Variants in EPHA3 observed in about 807,000 individuals in gnomAD.
The protein encoded by EPHA3 is ephrin type-A receptor 3.
In EPHA3, 42 loss-of-function variants were observed where a neutral mutation model predicts 107.1. The observed-to-expected ratio is 0.39, with a 90% CI of 0.31 to 0.51. EPHA3 has a LOEUF of 0.51. Ranked by LOEUF, EPHA3 falls within the 20% of genes least tolerant of loss-of-function variation. The pLI is 0.78. For missense variants in EPHA3, 1,183 were observed against 1,211.2 expected (o/e 0.98, Z 0.35); for synonymous variants, 461 against 424.8 (o/e 1.09, Z -1.05).
intron 3 of EPHA3, among the ~76,000 whole-genome samples, chr3:89,286,437 A>G (rs1706085372): frequency 6.6e-6 from 1 of 152,086 alleles, no homozygotes; most frequent in Non-Finnish European, 1.5e-5. Context: ...GTACATTGGC[A>G]AAGGCGAAAG....
intron 15 of EPHA3, among the ~76,000 whole-genome samples, chr3:89,451,997 A>C: frequency 6.6e-6 from 1 of 152,068 alleles, no homozygotes; most frequent in Non-Finnish European, 1.5e-5. Context: ...GAAAAAAATC[A>C]ATCATATTTA....
intron 16 of EPHA3, among the ~76,000 whole-genome samples, chr3:89,474,236 C>T (rs576683846): frequency 8.5e-5 from 13 of 152,112 alleles, no homozygotes; most frequent in South Asian, 6.2e-4. Flanking sequence ...GAACAGTTTA[C>T]GATTATTGAA....
chr3:89,327,783 T>C (rs923380472), intron 3 of EPHA3, among the ~76,000 whole-genome samples: 2 of 152,048 alleles, frequency 1.3e-5, no homozygotes, highest in African/African-American at 4.8e-5. Flanking sequence ...TTCAGATACA[T>C]GGTACGGACA....
intron 3 of EPHA3, among the ~76,000 whole-genome samples, chr3:89,274,395 C>G (rs1368386071): frequency 6.6e-6 from 1 of 151,804 alleles, no homozygotes; most frequent in Non-Finnish European, 1.5e-5. Flanking sequence ...CAAACATTAA[C>G]TGACTGAACT....
intron 2 of EPHA3, among the ~76,000 whole-genome samples, chr3:89,177,664 C>A (rs2107111892): frequency 6.6e-6 from 1 of 152,284 alleles, no homozygotes; most frequent in African/African-American, 2.4e-5. Context: ...TGAAGGATAG[C>A]AAATCTTCAA....
At chr3:89,399,054 C>T (rs1708904756) in intron 6 of EPHA3, among the ~76,000 whole-genome samples, 1 of 151,638 alleles carries the variant, frequency 6.6e-6, no homozygotes, top group South Asian at 2.1e-4. Context: ...CGTTTGAACC[C>T]AGGAGGCAGA....
At chr3:89,305,299 A>T (rs1445358526) in intron 3 of EPHA3, among the ~76,000 whole-genome samples, 3 of 152,186 alleles carry the variant, frequency 2.0e-5, no homozygotes, top group East Asian at 3.9e-4. Flanking sequence ...TTATCATTTA[A>T]TGAAAAATGT....
chr3:89,290,237 C>A (rs1036512952), intron 3 of EPHA3, among the ~76,000 whole-genome samples: 1 of 152,042 alleles, frequency 6.6e-6, no homozygotes, highest in Non-Finnish European at 1.5e-5. Context: ...CCTTTACAAA[C>A]GTATCAAAGT....
intron 2 of EPHA3, among the ~76,000 whole-genome samples, chr3:89,157,621 G>A (rs1011475093): frequency 6.6e-5 from 10 of 152,008 alleles, no homozygotes; most frequent in East Asian, 2.0e-4. Context: ...GTAACCTTGC[G>A]GGGATAAAAC....
intron 13 of EPHA3, among the ~76,000 whole-genome samples, chr3:89,442,067 A>C (rs544913706): frequency 6.6e-6 from 1 of 152,330 alleles, no homozygotes; most frequent in South Asian, 2.1e-4. Flanking sequence ...TTTAATAAAA[A>C]AATTGATGCT....
At chr3:89,338,073 T>A (rs1428140069) in intron 3 of EPHA3, among the ~76,000 whole-genome samples, 1 of 152,226 alleles carries the variant, frequency 6.6e-6, no homozygotes, top group Non-Finnish European at 1.5e-5. Context: ...ACAAATATTT[T>A]AATCGGACTT....
intron 2 of EPHA3, among the ~76,000 whole-genome samples, chr3:89,175,359 A>G (rs577576018): frequency 6.6e-6 from 1 of 152,226 alleles, no homozygotes; most frequent in South Asian, 2.1e-4. Flanking sequence ...AACCATACCC[A>G]GATTGCAAGA....
At chr3:89,457,796 G>T (rs575602842) in intron 15 of EPHA3, among the ~76,000 whole-genome samples, 1 of 152,308 alleles carries the variant, frequency 6.6e-6, no homozygotes, top group East Asian at 1.9e-4. Flanking sequence ...GGATTCATAC[G>T]AGAGAATTAA....
At chr3:89,192,659 A>G (rs752053699) in intron 2 of EPHA3, among the ~76,000 whole-genome samples, 9 of 152,080 alleles carry the variant, frequency 5.9e-5, no homozygotes, top group Non-Finnish European at 8.8e-5. Flanking sequence ...GTTTTCTTCA[A>G]TGTAATCCTA....
chr3:89,163,080 G>A (rs1185511854), intron 2 of EPHA3, among the ~76,000 whole-genome samples: 1 of 152,132 alleles, frequency 6.6e-6, no homozygotes, highest in Non-Finnish European at 1.5e-5. Flanking sequence ...CAAAATAAAT[G>A]AGCCAAATTA....
At chr3:89,390,680 G>A (rs1194471729) in intron 5 of EPHA3, among the ~76,000 whole-genome samples, 2 of 151,342 alleles carry the variant, frequency 1.3e-5, no homozygotes, top group South Asian at 2.1e-4. Context: ...GCTGATTCAA[G>A]AGGCTGTCAT....
chr3:89,311,840 T>C (rs1261344205), intron 3 of EPHA3, among the ~76,000 whole-genome samples: 1 of 152,046 alleles, frequency 6.6e-6, no homozygotes, highest in Non-Finnish European at 1.5e-5. Flanking sequence ...GAGCTGGCAA[T>C]ATAACTTGGA....
chr3:89,345,980 G>C (rs1352452119), intron 5 of EPHA3, among the ~76,000 whole-genome samples: 1 of 147,130 alleles, frequency 6.8e-6, no homozygotes, highest in Non-Finnish European at 1.5e-5. Flanking sequence ...ATATTCCATG[G>C]TGTATATGTG....
chr3:89,126,105 T>C (rs1273502791), intron 1 of EPHA3, among the ~76,000 whole-genome samples: 2 of 151,726 alleles, frequency 1.3e-5, no homozygotes, highest in African/African-American at 4.8e-5. Context: ...GCGGTGTATG[T>C]ATTTACATTA....
Sources: allele counts gnomAD v4.1 joint callset (sites outside exome capture counted in the v4.1 genomes callset), GRCh38; gene constraint gnomAD v4.1.1; transcripts MANE v1.5; gene names NCBI Gene and HGNC (gene_info 2026-07-23, HGNC 2026-07-21).